The following NR2C2 variants were observed in gnomAD, a reference collection of about 807,000 sequenced individuals.
The protein encoded by NR2C2 is Nuclear hormone receptor TR4.
NR2C2 carries 6 observed loss-of-function variants against 62.9 expected under a neutral mutation model. The observed-to-expected ratio is 0.10, with a 90% confidence interval of 0.05 to 0.19. The LOEUF (loss-of-function observed/expected upper bound fraction) is 0.19, where lower values mean the gene tolerates loss of function less well. Among genes scored for constraint, NR2C2 ranks in the 10% least tolerant of loss-of-function variants. NR2C2 has a pLI of 1.00. For missense variants in NR2C2, 479 were observed against 762.7 expected (o/e 0.63, Z 4.38); for synonymous variants, 272 against 273.8 (o/e 0.99, Z 0.07).
chr3:15,044,045 T>G lies in NR2C2; in HGVS notation c.*1037T>G, dbSNP rs763598129. 1.3e-5 allele frequency: 2 copies of G among 152,160 alleles called. No homozygotes were observed. The highest frequency in any genetic ancestry group is 2.9e-5 in the Non-Finnish European group (2 of 68,044). The allele number at this position is 152,160 out of a possible 1,614,324, so 9.4% of individuals were successfully genotyped here. ...GGAGTGTGGCCTTGGAGTGTGAGCGTTACCTTCCCAGGGCTTTCCACTCCA... is the reference window on the plus strand; with the variant it reads ...GGAGTGTGGCCTTGGAGTGTGAGCGGTACCTTCCCAGGGCTTTCCACTCCA... On this transcript the variant is annotated 3_prime_UTR_variant, in exon 14 of 14. Coordinates refer to ENST00000425241, the MANE Select transcript of NR2C2 (RefSeq NM_001291694.2).
chr3:15,039,578 T>G (rs2042197128), intron 13 of NR2C2, among the ~76,000 whole-genome samples: 1 of 152,078 alleles, frequency 6.6e-6, no homozygotes, highest in Non-Finnish European at 1.5e-5. Context: ...GCTAACACTG[T>G]ACATGAGGCT....
chr3:14,956,593 G>C (rs1009626521), intron 1 of NR2C2, among the ~76,000 whole-genome samples: 1 of 152,166 alleles, frequency 6.6e-6, no homozygotes, highest in South Asian at 2.1e-4. Flanking sequence ...GCCCAGGCTG[G>C]AGTGCAGTGG....
intron 1 of NR2C2, among the ~76,000 whole-genome samples, chr3:14,987,294 G>T (rs1463693279): frequency 6.6e-6 from 1 of 152,090 alleles, no homozygotes; most frequent in African/African-American, 2.4e-5. Context: ...TGTTACCCAG[G>T]ATGGTCTTGA....
At chr3:15,006,811 T>C (rs114178374) in intron 2 of NR2C2, among the ~76,000 whole-genome samples, 6,153 of 151,806 alleles carry the variant, frequency 0.041, 434 homozygotes, top group African/African-American at 0.14. Flanking sequence ...ATTTCGCTCT[T>C]GTCGCCCAGG....
At chr3:14,955,335 C>T (rs1295464400) in intron 1 of NR2C2, among the ~76,000 whole-genome samples, 1 of 152,170 alleles carries the variant, frequency 6.6e-6, no homozygotes, top group Non-Finnish European at 1.5e-5. Flanking sequence ...AAACATAAGT[C>T]ACATATTACG....
chr3:15,006,937 G>A (rs542685376), intron 2 of NR2C2, among the ~76,000 whole-genome samples: 38 of 151,880 alleles, frequency 2.5e-4, no homozygotes, highest in Non-Finnish European at 4.1e-4. Context: ...CACCACGCCA[G>A]GCTAATTTTG....
intron 7 of NR2C2, among the ~76,000 whole-genome samples, chr3:15,024,961 C>T (rs1186596467): frequency 6.6e-6 from 1 of 152,202 alleles, no homozygotes; most frequent in African/African-American, 2.4e-5. Flanking sequence ...ACAGGGCATC[C>T]TCTTTTGGGA....
At position 15,003,840 on chromosome 3, in the gene NR2C2, A is replaced by C. The variant is rs1412711232; in HGVS notation, c.-39-36A>C. On this transcript the variant is annotated intron_variant, in intron 1 of 13. Coordinates refer to ENST00000425241, the MANE Select transcript of NR2C2 (RefSeq NM_001291694.2). ...CAGGCCACCTCTGGGCATCATTCTG[A>C]ACCCCCTTGTGATCCAGCCCACTTC... The C allele has an allele frequency of 3.5e-6, 5 of 1,423,420 alleles. No homozygotes were observed. In the Admixed American group the frequency reaches 6.7e-5, roughly 19 times the overall value. 88.2% of individuals were successfully genotyped at this position (1,423,420 alleles called of 1,614,324 possible).
intron 1 of NR2C2, among the ~76,000 whole-genome samples, chr3:14,980,827 T>G (rs758437621): frequency 3.3e-5 from 5 of 152,122 alleles, no homozygotes; most frequent in Non-Finnish European, 7.4e-5. Context: ...AACCATGCAA[T>G]GAGCATTTTC....
intron 2 of NR2C2, among the ~76,000 whole-genome samples, chr3:15,007,898 C>T (rs925974051): frequency 6.6e-6 from 1 of 152,122 alleles, no homozygotes; most frequent in Non-Finnish European, 1.5e-5. Flanking sequence ...ATAAATGGAG[C>T]TCAAGGGCTT....
At chr3:15,023,721 A>G (rs1047151828) in intron 6 of NR2C2, among the ~76,000 whole-genome samples, 22 of 152,256 alleles carry the variant, frequency 1.4e-4, no homozygotes, top group Admixed American at 2.6e-4. Context: ...AATATAATCT[A>G]TTGAACTTAC....
intron 1 of NR2C2, among the ~76,000 whole-genome samples, chr3:14,977,281 G>A (rs2040234395): frequency 6.6e-6 from 1 of 152,094 alleles, no homozygotes; most frequent in African/African-American, 2.4e-5. Flanking sequence ...CCAACTGTAG[G>A]ATTAATTATT....
intron 1 of NR2C2, among the ~76,000 whole-genome samples, chr3:14,980,701 A>G (rs1283136318): frequency 1.3e-5 from 2 of 152,256 alleles, no homozygotes; most frequent in African/African-American, 4.8e-5. Context: ...ACAGGATTTC[A>G]TCTTAAAAAT....
intron 13 of NR2C2, chr3:15,042,613 T>G: frequency 2.3e-6 from 1 of 425,888 alleles, no homozygotes; most frequent in Non-Finnish European, 4.2e-6. Flanking sequence ...TAAACAAGAG[T>G]GAAGGGAACA....
At chr3:14,983,712 A>T (rs1053149505) in intron 1 of NR2C2, among the ~76,000 whole-genome samples, 5 of 152,086 alleles carry the variant, frequency 3.3e-5, no homozygotes, top group Non-Finnish European at 5.9e-5. Flanking sequence ...GCCTGGAAAA[A>T]TTTTTAACTA....
At chr3:15,030,799 G>A (rs1440948226) in intron 9 of NR2C2, among the ~76,000 whole-genome samples, 1 of 152,180 alleles carries the variant, frequency 6.6e-6, no homozygotes, top group Non-Finnish European at 1.5e-5. Flanking sequence ...CTGCACTCCA[G>A]CCTGGGCAAC....
chr3:14,966,227 A>G (rs1344825), intron 1 of NR2C2, among the ~76,000 whole-genome samples: 59,785 of 152,068 alleles, frequency 0.39, 14,766 homozygotes, highest in African/African-American at 0.7. Context: ...TTTCCTTCCC[A>G]TAGGCCAGGG....
At chr3:15,037,914 C>T in intron 11 of NR2C2, 86 bp from the exon 12 acceptor site, 1 of 1,323,528 alleles carries the variant, frequency 7.6e-7, no homozygotes, top group Non-Finnish European at 1.0e-6. Context: ...GAAATGGTCC[C>T]ATTTCTTTCC....
chr3:15,047,094 A>G lies in NR2C2; in HGVS notation c.*4086A>G, dbSNP rs2042483474. ...TATCCTCTCCATATGTACAGTGTAT[A>G]TAGTGTGTGTATGTGTACATAGATG... On this transcript the variant is annotated 3_prime_UTR_variant, in exon 14 of 14. Transcript: ENST00000425241. 1 of 152,668 alleles carries G rather than the reference A, an allele frequency of 6.6e-6. No homozygotes were observed. Among genetic ancestry groups the G allele is most frequent in the African/African-American group, 2.4e-5 (1 of 41,452 alleles). 9.5% of individuals were successfully genotyped at this position (152,668 alleles called of 1,614,324 possible).
Sources: gnomAD v4.1 joint callset for allele counts (sites outside exome capture counted in the v4.1 genomes callset) on GRCh38, gnomAD v4.1.1 for gene constraint, MANE v1.5 for transcripts, NCBI Gene and HGNC (gene_info 2026-07-23, HGNC 2026-07-21) for gene names.